CP: variants seen among roughly 807,000 people sequenced by gnomAD.
The protein encoded by CP is ceruloplasmin, also known as caeruloplasmin.
In CP, 64 loss-of-function variants were observed where a neutral mutation model predicts 122.4. The ratio of observed to expected loss-of-function variants is 0.52; its 90% CI spans 0.43 to 0.64. CP has a LOEUF of 0.64. Among genes scored for constraint, CP ranks in the 30% least tolerant of loss-of-function variants. The probability of loss-of-function intolerance (pLI) is 0.00; values close to 1 mark genes in which losing one functional copy is unlikely to be tolerated. For missense variants in CP, 1,167 were observed against 1,284.4 expected (o/e 0.91, Z 1.40); for synonymous variants, 440 against 436.4 (o/e 1.01, Z -0.10).
At chr3:149,182,479 T>C (rs1342001635) in intron 13 of CP, among the ~76,000 whole-genome samples, 1 of 152,140 alleles carries the variant, frequency 6.6e-6, no homozygotes. Flanking sequence ...ATTTTTGTGC[T>C]CCAGCAACAA....
intron 1 of CP, among the ~76,000 whole-genome samples, chr3:149,216,747 G>A (rs1728482608): frequency 6.6e-6 from 1 of 152,152 alleles, no homozygotes; most frequent in Non-Finnish European, 1.5e-5. Context: ...GCAGTACCTA[G>A]TGAATTTTCT....
chr3:149,191,043 A>G (rs1726518698), intron 9 of CP, among the ~76,000 whole-genome samples: 1 of 152,318 alleles, frequency 6.6e-6, no homozygotes, highest in Non-Finnish European at 1.5e-5. Context: ...AGTTGATCAC[A>G]TTACAGGAGA....
intron 12 of CP, among the ~76,000 whole-genome samples, chr3:149,184,936 G>C (rs1202400074): frequency 6.6e-6 from 1 of 152,176 alleles, no homozygotes; most frequent in East Asian, 1.9e-4. Context: ...ATTAACTTTT[G>C]TTAAGTTTGA....
chr3:149,184,708 T>G lies in CP; in HGVS notation c.2285+531A>C, dbSNP rs1037901607. Among the ~76,000 whole-genome samples, 192 of 152,256 alleles carry G rather than the reference T, an allele frequency of 1.3e-3. 1 individual carries two copies. The highest frequency in any genetic ancestry group is 6.2e-3 in the Admixed American group (95 of 15,288). On this transcript the variant is annotated intron_variant, in intron 12 of 18. Coordinates refer to ENST00000264613, the MANE Select transcript of CP (RefSeq NM_000096.4). ...ACAGAATTTATTTTGTACTTTTCCA[T>G]GATGGACATGTTACTGGTAATTTTG...
At chr3:149,211,516 T>A (rs541421241) in intron 2 of CP, among the ~76,000 whole-genome samples, 2 of 152,336 alleles carry the variant, frequency 1.3e-5, no homozygotes, top group South Asian at 4.1e-4. Flanking sequence ...AAGAATGAGA[T>A]CACAGGCACC....
chr3:149,201,269 C>T (rs143819605), intron 7 of CP, among the ~76,000 whole-genome samples: 116 of 152,108 alleles, frequency 7.6e-4, no homozygotes, highest in Non-Finnish European at 1.0e-3. Context: ...GACAGGCACC[C>T]GCCACCACGC....
chr3:149,210,295 A>C lies in CP; in HGVS notation c.479T>G (p.Leu160Arg). 1 of 1,614,134 alleles carries C rather than the reference A, an allele frequency of 6.2e-7. No individual in the cohort carries two copies. The change falls in exon 3 of 19, where the codon CTT (leucine) becomes CGT (arginine). Residue 160 changes from leucine (L) to arginine (R), a missense_variant. Around this residue, in one of 2 missense-constraint regions of CP, gnomAD observed 642 missense variants for 627.3 expected, o/e 1.02. Transcript: ENST00000264613. Reference protein sequence around the residue: ...YPGEQYTYMLLATEEQSPGEG... With the variant: ...YPGEQYTYMLRATEEQSPGEG... The stretch of plus-strand genomic sequence containing the variant: ...CCCAGGACTTTGTTCTTCAGTGGCA[A>C]GCAACATGTATGTATACTGCTCTCC...
intron 1 of CP, among the ~76,000 whole-genome samples, chr3:149,216,988 C>T (rs540174550): frequency 1.1e-4 from 17 of 151,670 alleles, no homozygotes; most frequent in Non-Finnish European, 1.9e-4. Context: ...GCAACCTCCA[C>T]CTCCTGGGTT....
At chr3:149,176,566 G>A (rs1725435322) in intron 17 of CP, 154 bp from the exon 18 acceptor site, 2 of 646,868 alleles carry the variant, frequency 3.1e-6, no homozygotes, top group Non-Finnish European at 5.3e-6. Flanking sequence ...ATGGTAAAAT[G>A]TGGTTTTTGT....
At chr3:149,195,268 A>T (rs73019047) in intron 9 of CP, among the ~76,000 whole-genome samples, 10,343 of 152,270 alleles carry the variant, frequency 0.068, 1,181 homozygotes, top group African/African-American at 0.23. Context: ...GGATTTGGCA[A>T]TATTTCACAA....
chr3:149,184,027 T>TA (rs1725974622), intron 12 of CP, among the ~76,000 whole-genome samples: 1 of 111,190 alleles, frequency 9.0e-6, no homozygotes, highest in South Asian at 3.2e-4. Flanking sequence ...TTCACTTACT[T>TA]CTTTTTTTTT....
At chr3:149,193,430 A>T (rs1726675985) in intron 9 of CP, among the ~76,000 whole-genome samples, 1 of 152,202 alleles carries the variant, frequency 6.6e-6, no homozygotes, top group South Asian at 2.1e-4. Flanking sequence ...ATAAGGCTGA[A>T]GTTTTTTTAA....
At chr3:149,211,500 A>G (rs1728095157) in intron 2 of CP, among the ~76,000 whole-genome samples, 1 of 152,226 alleles carries the variant, frequency 6.6e-6, no homozygotes, top group South Asian at 2.1e-4. Flanking sequence ...ATCATTGTTA[A>G]GGACTAAGAA....
chr3:149,170,137 G>C (rs1724830374), downstream of CP, among the ~76,000 whole-genome samples: 1 of 152,190 alleles, frequency 6.6e-6, no homozygotes, highest in South Asian at 2.1e-4. Context: ...AGTTATACAT[G>C]AAAGTGCTTT....
rs532361216 is a variant in CP, at chr3:149,164,029, G to A, written c.*14-1154C>T. 45 of 745,550 alleles carry A rather than the reference G, an allele frequency of 6.0e-5. No individual in the cohort carries two copies. The African/African-American group carries it at 7.0e-4, about 12-fold the overall frequency. 46.2% of individuals were successfully genotyped at this position (745,550 alleles called of 1,614,324 possible). A position where few individuals can be genotyped will look rare whatever the true frequency, so the allele number is the denominator to read the frequency against. ...GATTAAATTTGCTGAGACCCCAGGT[G>A]TCCTGTTAATCTAGAATGTAGAATT... On this transcript the variant is annotated intron_variant, in intron 5 of 5. Coordinates refer to the CP transcript ENST00000479771.
chr3:149,217,300 T>C (rs1046302011), intron 1 of CP, among the ~76,000 whole-genome samples: 8 of 152,180 alleles, frequency 5.3e-5, no homozygotes, highest in Non-Finnish European at 1.2e-4. Flanking sequence ...TTAAGAATCA[T>C]TTAAAAATTT....
Position 149,212,299 on chromosome 3 carries a change from CAAAAAAAATTA to C in CP, c.394+141_394+151del, listed in dbSNP as rs1431611620. The C allele has an allele frequency of 2.5e-5, 19 of 766,358 alleles. No individual in the cohort carries two copies. In the East Asian group the frequency reaches 3.3e-4, roughly 13 times the overall value. 47.5% of individuals were successfully genotyped at this position (766,358 alleles called of 1,614,324 possible). A position where few individuals can be genotyped will look rare whatever the true frequency, so the allele number is the denominator to read the frequency against. Reference sequence around the variant, plus strand: ...GCACTCCAGCCTGGGTGACAGAAGTCAAAAAAAATTAAAAAAAAATAAAAAAAAAATAGTTA... The same window carrying C: ...GCACTCCAGCCTGGGTGACAGAAGTCAAAAAAAATAAAAAAAAAATAGTTA... On this transcript the variant is annotated intron_variant, in intron 2 of 18. Coordinates refer to ENST00000264613, the MANE Select transcript of CP (RefSeq NM_000096.4).
chr3:149,193,986 A>C (rs149109575), intron 9 of CP, among the ~76,000 whole-genome samples: 255 of 152,348 alleles, frequency 1.7e-3, no homozygotes, highest in African/African-American at 5.9e-3. Context: ...AATATGCAGA[A>C]GGTAAATCTC....
intron 6 of CP, among the ~76,000 whole-genome samples, chr3:149,202,485 A>G (rs1227605117): frequency 1.3e-5 from 2 of 151,966 alleles, no homozygotes; most frequent in African/African-American, 2.4e-5. Flanking sequence ...TGAAGAGAAA[A>G]TTTTCAGAAG....
Sources: allele counts gnomAD v4.1 joint callset (sites outside exome capture counted in the v4.1 genomes callset), GRCh38; gene constraint gnomAD v4.1.1; regional missense constraint gnomAD v4.1.1; transcripts MANE v1.5; gene names NCBI Gene and HGNC (gene_info 2026-07-23, HGNC 2026-07-21).